The following ELF1 variants were observed in gnomAD, a reference collection of about 807,000 sequenced individuals.
ELF1 encodes the protein E74 like ETS transcription factor 1, also known as ETS-related transcription factor Elf-1.
ELF1 carries 24 observed loss-of-function variants against 59.9 expected under a neutral mutation model. The ratio of observed to expected loss-of-function variants is 0.40; its 90% confidence interval spans 0.29 to 0.56. The LOEUF is 0.56. ELF1 is among the 20% of genes least tolerant of loss of function. The probability of loss-of-function intolerance (pLI) is 0.44; values close to 1 mark genes in which losing one functional copy is unlikely to be tolerated. For missense variants in ELF1, 627 were observed against 742.2 expected (o/e 0.84, Z 1.80); for synonymous variants, 248 against 266.2 (o/e 0.93, Z 0.67).
chr13:40,969,945 A>G (rs1003321580), intron 2 of ELF1, among the ~76,000 whole-genome samples: 24 of 152,112 alleles, frequency 1.6e-4, no homozygotes, highest in Non-Finnish European at 2.6e-4. Flanking sequence ...CTCACTCACG[A>G]AACTATCTGG....
chr13:40,953,940 A>C (rs1209278572), intron 3 of ELF1, among the ~76,000 whole-genome samples: 1 of 152,182 alleles, frequency 6.6e-6, no homozygotes, highest in Non-Finnish European at 1.5e-5. Context: ...ACTAGGAAGA[A>C]ACACTCCTTC....
intron 1 of ELF1, among the ~76,000 whole-genome samples, chr13:40,987,665 G>A (rs1158394697): frequency 2.0e-5 from 3 of 151,980 alleles, no homozygotes; most frequent in African/African-American, 7.3e-5. Context: ...ACAATTCTGG[G>A]ATAAAGAAGG....
In ELF1 at chr13:41,060,914, T is replaced by TGCCGCTGCCGCCGCC. The variant is rs1555283652; in HGVS notation, c.-306_-305insGGCGGCGGCAGCGGC. ...GCCTCTGCGCTACTGAAGCTGCTGCTGCCGCCGCCGCCGCCGCCGCCGCCG... is the reference window on the plus strand; with the variant it reads ...GCCTCTGCGCTACTGAAGCTGCTGCTGCCGCTGCCGCCGCCGCCGCCGCCGCCGCCGCCGCCGCCG... On this transcript the variant is annotated 5_prime_UTR_variant, in exon 1 of 2. Transcript: ENST00000405737. 1.1e-3 allele frequency: 375 copies of TGCCGCTGCCGCCGCC among 345,002 alleles called. 23 individuals are homozygous for TGCCGCTGCCGCCGCC. Among genetic ancestry groups the TGCCGCTGCCGCCGCC allele is most frequent in the African/African-American group, 7.2e-3 (316 of 44,094 alleles). The allele number at this position is 345,002 out of a possible 1,614,324, so 21.4% of individuals were successfully genotyped here. A position where few individuals can be genotyped will look rare whatever the true frequency, so the allele number is the denominator to read the frequency against.
chr13:40,994,548 C>T (rs1400256133), intron 1 of ELF1, among the ~76,000 whole-genome samples: 1 of 152,122 alleles, frequency 6.6e-6, no homozygotes, highest in African/African-American at 2.4e-5. Context: ...GAGGCCGAGG[C>T]ACGAGAATCA....
At chr13:40,959,744 T>TA (rs1871695110) in intron 2 of ELF1, among the ~76,000 whole-genome samples, 1 of 144,062 alleles carries the variant, frequency 6.9e-6, no homozygotes, top group Non-Finnish European at 1.5e-5. Flanking sequence ...AGTATGGCTA[T>TA]ATTAAGAGTA....
At chr13:41,048,693 G>A (rs2138431033) in intron 1 of ELF1, among the ~76,000 whole-genome samples, 1 of 151,786 alleles carries the variant, frequency 6.6e-6, no homozygotes, top group Admixed American at 6.6e-5. Flanking sequence ...GATTACAGTT[G>A]TGAGCTACTA....
chr13:40,965,816 T>A (rs2138217729), intron 2 of ELF1, among the ~76,000 whole-genome samples: 1 of 152,384 alleles, frequency 6.6e-6, no homozygotes, highest in African/African-American at 2.4e-5. Context: ...AATTAAATTC[T>A]ACTGGTGCTT....
At chr13:40,994,665 G>A (rs1223900060) in intron 1 of ELF1, among the ~76,000 whole-genome samples, 4 of 151,976 alleles carry the variant, frequency 2.6e-5, no homozygotes, top group South Asian at 2.1e-4. Flanking sequence ...ATAAACAAGC[G>A]AAATATCTAA....
At chr13:41,038,583 T>C (rs1018403681) in intron 1 of ELF1, among the ~76,000 whole-genome samples, 1 of 152,174 alleles carries the variant, frequency 6.6e-6, no homozygotes, top group African/African-American at 2.4e-5. Flanking sequence ...AAAAAGTTTG[T>C]TCATCAAATG....
At chr13:41,005,478 CA>C (rs796230971) in intron 1 of ELF1, among the ~76,000 whole-genome samples, 23 of 131,926 alleles carry the variant, frequency 1.7e-4, no homozygotes, top group African/African-American at 5.0e-4. Context: ...AAACCTACCA[CA>C]AAAAAAAAAC....
In ELF1 at chr13:41,009,870, A is replaced by ATTAC. The variant is rs1262372827; in HGVS notation, c.-229+9357_-229+9358insGTAA. On this transcript the variant is annotated intron_variant, in intron 1 of 8. Transcript: ENST00000239882. ...AATGATATTTAAATTACTAGTTGCA[A>ATTAC]TAGTGCAGCAGTTCTCAAACTTTTT... 3.9e-5 allele frequency among the ~76,000 whole-genome samples: 6 copies of ATTAC among 152,098 alleles called. No homozygotes were observed. In the East Asian group the frequency reaches 1.2e-3, roughly 29 times the overall value.
chr13:40,964,188 C>CTGCT (rs1343028750), intron 2 of ELF1, among the ~76,000 whole-genome samples: 1 of 152,202 alleles, frequency 6.6e-6, no homozygotes, highest in African/African-American at 2.4e-5. Context: ...TTCTAGAGAA[C>CTGCT]TGCTTCCCTA....
chr13:40,984,616 A>T (rs1004772907), intron 1 of ELF1, among the ~76,000 whole-genome samples: 6 of 152,206 alleles, frequency 3.9e-5, no homozygotes, highest in African/African-American at 1.4e-4. Flanking sequence ...AATATCCTTT[A>T]TTTAAAAAAG....
rs139933967 is a variant in ELF1 at position 41,037,602 on chromosome 13, C to T, written c.-229+23236G>A. 4.5e-3 allele frequency among the ~76,000 whole-genome samples: 690 copies of T among 152,156 alleles called. 1 individual carries two copies. The highest frequency in any genetic ancestry group is 8.0e-3 in the Non-Finnish European group (547 of 67,968). On this transcript the variant is annotated intron_variant, in intron 1 of 1. Coordinates refer to the ELF1 transcript ENST00000405737. ...ATGAGGTCAGGAGTTTGAGACCAGC[C>T]TGGCCAATATGGTGAAACCTCATCT...
At chr13:40,978,850 GTAGAAATTAA>G (rs1303597939) in intron 2 of ELF1, among the ~76,000 whole-genome samples, 1 of 151,412 alleles carries the variant, frequency 6.6e-6, no homozygotes, top group Non-Finnish European at 1.5e-5. Context: ...ATTAGTAGTA[GTAGAAATTAA>G]TACAGCTCCT....
chr13:40,997,548 AC>A (rs1402924772), intron 1 of ELF1, among the ~76,000 whole-genome samples: 1 of 149,768 alleles, frequency 6.7e-6, no homozygotes, highest in African/African-American at 2.5e-5. Context: ...GAGCCACTGC[AC>A]CCGGCCATCT....
In ELF1 at chr13:40,982,057, T is replaced by TA; in HGVS notation, c.-4dup. ...TTCTGTTGGACAACAGCAGCCATAA[T>TA]AAAGCATTCCCCTTAGATCCACATG... On this transcript the variant is annotated 5_prime_UTR_variant, in exon 2 of 9. Coordinates refer to ENST00000239882, the MANE Select transcript of ELF1 (RefSeq NM_172373.4). The TA allele has an allele frequency of 6.2e-7, 1 of 1,611,792 alleles. No individual in the cohort carries two copies. The highest frequency in any genetic ancestry group is 8.5e-7 in the Non-Finnish European group (1 of 1,178,952).
intron 1 of ELF1, among the ~76,000 whole-genome samples, chr13:41,038,229 T>C (rs542676509): frequency 9.2e-5 from 14 of 152,224 alleles, no homozygotes; most frequent in Admixed American, 2.6e-4. Context: ...GTGGCTCATG[T>C]CTGTAATCCC....
At chr13:40,952,298 A>T (rs535554798) in intron 3 of ELF1, among the ~76,000 whole-genome samples, 1 of 152,150 alleles carries the variant, frequency 6.6e-6, no homozygotes, top group African/African-American at 2.4e-5. Flanking sequence ...AAATTTATGT[A>T]TTTTGATGAC....
Sources: gnomAD v4.1 joint callset for allele counts (sites outside exome capture counted in the v4.1 genomes callset) on GRCh38, gnomAD v4.1.1 for gene constraint, MANE v1.5 for transcripts, NCBI Gene and HGNC (gene_info 2026-07-23, HGNC 2026-07-21) for gene names.